Variants in CRIM1 observed in about 807,000 individuals in gnomAD.
The protein encoded by CRIM1 is cysteine-rich motor neuron 1 protein.
In CRIM1, 32 loss-of-function variants were observed where a neutral mutation model predicts 116.4. That is an observed-to-expected ratio of 0.27 (90% CI 0.21 to 0.37). The LOEUF (loss-of-function observed/expected upper bound fraction) is 0.37, where lower values mean the gene tolerates loss of function less well. Among genes scored for constraint, CRIM1 ranks in the 10% least tolerant of loss-of-function variants. The pLI, the probability that CRIM1 is intolerant of heterozygous loss-of-function variation, is 1.00. For missense variants in CRIM1, 1,331 were observed against 1,354.8 expected (o/e 0.98, Z 0.28); for synonymous variants, 590 against 509.2 (o/e 1.16, Z -2.13).
chr2:36,472,739 T>G (rs961181143), intron 5 of CRIM1, among the ~76,000 whole-genome samples: 5 of 152,202 alleles, frequency 3.3e-5, no homozygotes, highest in African/African-American at 9.7e-5. Context: ...CCATGGATGT[T>G]CATTTTGTTA....
chr2:36,492,894 C>T (rs962935443), intron 7 of CRIM1, among the ~76,000 whole-genome samples: 2 of 152,126 alleles, frequency 1.3e-5, no homozygotes, highest in African/African-American at 2.4e-5. Context: ...TAAGAAAGAG[C>T]GCCTGAAGTA....
intron 7 of CRIM1, among the ~76,000 whole-genome samples, chr2:36,485,750 A>G (rs1679768956): frequency 6.6e-6 from 1 of 152,248 alleles, no homozygotes; most frequent in South Asian, 2.1e-4. Context: ...ATTCTGGTAC[A>G]TAACAGGGAT....
chr2:36,505,812 GT>G (rs1681349502), intron 8 of CRIM1, among the ~76,000 whole-genome samples: 1 of 152,080 alleles, frequency 6.6e-6, no homozygotes, highest in Admixed American at 6.5e-5. Flanking sequence ...GTGGTGCTGT[GT>G]TGAATCAACG....
At chr2:36,496,097 A>G (rs145611819) in intron 7 of CRIM1, among the ~76,000 whole-genome samples, 55 of 152,300 alleles carry the variant, frequency 3.6e-4, no homozygotes, top group Middle Eastern at 6.8e-3. Flanking sequence ...CTCCAATTAC[A>G]TAGGGTATTA....
At chr2:36,536,829 A>T (rs1666586843) in intron 13 of CRIM1, among the ~76,000 whole-genome samples, 3 of 152,184 alleles carry the variant, frequency 2.0e-5, no homozygotes, top group Non-Finnish European at 4.4e-5. Context: ...CCATGAAATG[A>T]AGCTGTTTTT....
chr2:36,537,459 C>G lies in CRIM1; in HGVS notation c.2536C>G (p.Gln846Glu). 1 of 1,614,234 alleles carries G rather than the reference C, an allele frequency of 6.2e-7. No homozygotes were observed. Among genetic ancestry groups the G allele is most frequent in the Non-Finnish European group, 8.5e-7 (1 of 1,180,046 alleles). ...CACCCACTGCTACTGCCTGCAGGGC[C>G]AGACCCTCTGCTCGACCGTCAGCTG... ...SCTHCYCLQGQTLCSTVSCPP... is the reference protein window; with the variant it reads ...SCTHCYCLQGETLCSTVSCPP... The change falls in exon 14 of 17, where the codon CAG (glutamine) becomes GAG (glutamate). Residue 846 changes from glutamine to glutamate, a missense_variant. Coordinates refer to ENST00000280527, the MANE Select transcript of CRIM1 (RefSeq NM_016441.3).
chr2:36,402,659 T>C (rs956147583), intron 2 of CRIM1, among the ~76,000 whole-genome samples: 2 of 151,118 alleles, frequency 1.3e-5, no homozygotes, highest in African/African-American at 2.4e-5. Flanking sequence ...AGGGGTTCTT[T>C]TAGTAGTTCA....
intron 2 of CRIM1, among the ~76,000 whole-genome samples, chr2:36,398,580 G>T (rs1206341226): frequency 2.0e-5 from 3 of 152,158 alleles, no homozygotes; most frequent in Non-Finnish European, 2.9e-5. Flanking sequence ...ATTCCCACAG[G>T]AATAATTACC....
chr2:36,410,578 TTC>T (rs970361527), intron 2 of CRIM1, among the ~76,000 whole-genome samples: 8 of 152,160 alleles, frequency 5.3e-5, no homozygotes, highest in African/African-American at 1.4e-4. Context: ...TGTGCCCATG[TTC>T]TGTTATTAAG....
chr2:36,433,766 C>G (rs543592873), intron 2 of CRIM1, among the ~76,000 whole-genome samples: 91 of 152,238 alleles, frequency 6.0e-4, no homozygotes, highest in African/African-American at 2.2e-3. Context: ...TTACAGATCA[C>G]TTTTTTCCCT....
At chr2:36,455,929 C>CT (rs1030257376) in intron 4 of CRIM1, among the ~76,000 whole-genome samples, 189 of 152,232 alleles carry the variant, frequency 1.2e-3, no homozygotes, top group African/African-American at 4.4e-3. Flanking sequence ...ACAATACGGT[C>CT]TTTCACTTTG....
intron 2 of CRIM1, among the ~76,000 whole-genome samples, chr2:36,429,676 A>G (rs1045598301): frequency 1.3e-5 from 2 of 152,214 alleles, no homozygotes; most frequent in African/African-American, 4.8e-5. Flanking sequence ...TGGATATGGT[A>G]TAAAGTAGTA....
At chr2:36,455,460 C>T (rs1487445252) in intron 4 of CRIM1, among the ~76,000 whole-genome samples, 1 of 152,170 alleles carries the variant, frequency 6.6e-6, no homozygotes, top group African/African-American at 2.4e-5. Context: ...AGAGAGATTA[C>T]TTAACTTACT....
chr2:36,522,014 G>A, intron 12 of CRIM1, 78 bp from the exon 13 acceptor site: 2 of 1,194,622 alleles, frequency 1.7e-6, no homozygotes, highest in South Asian at 2.5e-5. Context: ...ATGACTGGGT[G>A]TGCTTTGAAA....
At chr2:36,532,407 A>G (rs1047056326) in intron 13 of CRIM1, among the ~76,000 whole-genome samples, 10 of 152,166 alleles carry the variant, frequency 6.6e-5, no homozygotes, top group African/African-American at 2.4e-4. Context: ...GAGGGGAGAG[A>G]GAAGTGTTAA....
At chr2:36,491,688 G>T (rs529005803) in intron 7 of CRIM1, among the ~76,000 whole-genome samples, 1 of 152,100 alleles carries the variant, frequency 6.6e-6, no homozygotes, top group African/African-American at 2.4e-5. Context: ...TGTCCCTAAC[G>T]TGCAGACCCT....
In CRIM1 at chr2:36,550,822, ATGCT is replaced by A. The variant is rs975279863; in HGVS notation, c.*2127_*2130del. 6.9e-4 allele frequency: 106 copies of A among 152,576 alleles called. No homozygotes were observed. The highest frequency in any genetic ancestry group is 3.4e-3 in the Middle Eastern group (1 of 294). 9.5% of individuals were successfully genotyped at this position (152,576 alleles called of 1,614,324 possible). ...AAGTCTTTATCAAAAAAAATTGTAG[ATGCT>A]TGCTTTTTGTTTTTTCAATCATGGC... On this transcript the variant is annotated 3_prime_UTR_variant, in exon 17 of 17. Coordinates refer to ENST00000280527, the MANE Select transcript of CRIM1 (RefSeq NM_016441.3).
rs372453878 is a variant in CRIM1, at chr2:36,506,610, A to G, written c.1502-3373A>G. ...GAGTTTTACTACATAGTTGCTATCG[A>G]CCGGCCATGCTGTACAGGCCCTGTA... is the stretch of plus-strand genomic sequence containing the variant. On this transcript the variant is annotated intron_variant, in intron 8 of 16. Transcript: ENST00000280527. Among the ~76,000 whole-genome samples the G allele has an allele frequency of 1.3e-4, 20 of 152,196 alleles. No homozygotes were observed. In the East Asian group the frequency reaches 2.1e-3, roughly 16 times the overall value.
chr2:36,525,049 C>T (rs780780490), intron 13 of CRIM1, among the ~76,000 whole-genome samples: 5 of 152,094 alleles, frequency 3.3e-5, no homozygotes, highest in Admixed American at 1.3e-4. Context: ...AACTGATGCA[C>T]GTATAATTTT....
Sources: gnomAD v4.1 joint callset for allele counts (sites outside exome capture counted in the v4.1 genomes callset) on GRCh38, gnomAD v4.1.1 for gene constraint, MANE v1.5 for transcripts, NCBI Gene and HGNC (gene_info 2026-07-23, HGNC 2026-07-21) for gene names.